The following FOCAD variants were observed in gnomAD, a reference collection of about 807,000 sequenced individuals.
FOCAD encodes the protein KIAA1797.
In FOCAD, 198 loss-of-function variants were observed where a neutral mutation model predicts 225.6. The observed-to-expected ratio is 0.88, with a 90% CI of 0.78 to 0.99. FOCAD has a LOEUF of 0.99. Among genes scored for constraint, FOCAD ranks in the 50% least tolerant of loss-of-function variants. FOCAD has a pLI of 0.00. For synonymous variants in FOCAD, 897 were observed against 755.0 expected, an observed-to-expected ratio of 1.19 and a Z score of -3.08; for missense variants, 2,713 against 2,123.6, an observed-to-expected ratio of 1.28 and a Z score of -5.46.
rs115892084 is a variant in FOCAD, at chr9:20,858,564, A to C, written c.1921-4014A>C. Among the ~76,000 whole-genome samples, 367 of 151,858 alleles carry C rather than the reference A, an allele frequency of 2.4e-3. 3 individuals are homozygous for C. The highest frequency in any genetic ancestry group is 0.01 in the Middle Eastern group (3 of 294). On this transcript the variant is annotated intron_variant, in intron 15 of 43. Transcript: ENST00000338382. ...TTTCAAGAAACCAACTTTTCATTTCATTAATCTTTTTGTTGCTTTTCAGTG... is the reference window on the plus strand; with the variant it reads ...TTTCAAGAAACCAACTTTTCATTTCCTTAATCTTTTTGTTGCTTTTCAGTG...
chr9:20,817,472 A>G (rs1313703775), intron 11 of FOCAD, among the ~76,000 whole-genome samples: 1 of 151,898 alleles, frequency 6.6e-6, no homozygotes, highest in East Asian at 1.9e-4. Flanking sequence ...TTCTCTTACC[A>G]TAATGTTTTC....
chr9:20,941,217 G>A (rs1053880141), intron 28 of FOCAD, among the ~76,000 whole-genome samples: 3 of 152,076 alleles, frequency 2.0e-5, no homozygotes, highest in Non-Finnish European at 2.9e-5. Context: ...GAAAGAACCC[G>A]CACACCTGGC....
At chr9:20,874,652 C>T (rs374443856) in intron 18 of FOCAD, 29 bp from the exon 19 acceptor site, 7 of 1,608,634 alleles carry the variant, frequency 4.4e-6, no homozygotes, top group African/African-American at 2.7e-5. Flanking sequence ...TTATTATCCT[C>T]TCTATGATCT....
At chr9:20,957,177 C>A (rs1458349351) in intron 35 of FOCAD, among the ~76,000 whole-genome samples, 1 of 152,124 alleles carries the variant, frequency 6.6e-6, no homozygotes, top group Non-Finnish European at 1.5e-5. Flanking sequence ...GATCCTTCTG[C>A]CTCAGCCCCC....
chr9:20,839,722 G>A (rs1034169462), intron 15 of FOCAD, among the ~76,000 whole-genome samples: 2 of 151,840 alleles, frequency 1.3e-5, no homozygotes, highest in African/African-American at 4.8e-5. Context: ...TTTTGACACA[G>A]GCATACGATG....
chr9:20,795,148 ACATGATAGAGT>A (rs1820918321), intron 11 of FOCAD, among the ~76,000 whole-genome samples: 1 of 152,200 alleles, frequency 6.6e-6, no homozygotes, highest in Non-Finnish European at 1.5e-5. Context: ...AAGAGTGAGA[ACATGATAGAGT>A]GTTTTTTGGC....
At chr9:20,858,580 C>G (rs1359289758) in intron 15 of FOCAD, among the ~76,000 whole-genome samples, 7 of 151,856 alleles carry the variant, frequency 4.6e-5, no homozygotes, top group African/African-American at 1.5e-4. Flanking sequence ...CTTTTTGTTG[C>G]TTTTCAGTGT....
rs530811036 is a variant in FOCAD at position 20,697,817 on chromosome 9, G to A, written c.-33+13524G>A. Among the ~76,000 whole-genome samples, 202 of 152,332 alleles carry A rather than the reference G, an allele frequency of 1.3e-3. 1 individual carries two copies. The highest frequency in any genetic ancestry group is 6.2e-3 in the South Asian group (30 of 4,830). On this transcript the variant is annotated intron_variant, in intron 1 of 43. Coordinates refer to ENST00000338382, the MANE Select transcript of FOCAD (RefSeq NM_001375567.1). ...ATACTTGATTAAAATGAGACTGGAG[G>A]ATGTTGAACACAGTGGAGGAACACT...
At chr9:20,708,508 G>A (rs1211763491) in intron 1 of FOCAD, among the ~76,000 whole-genome samples, 1 of 152,160 alleles carries the variant, frequency 6.6e-6, no homozygotes, top group Non-Finnish European at 1.5e-5. Context: ...GCTCACACCT[G>A]TAGTAATCCC....
At position 20,722,040 on chromosome 9, in the gene FOCAD, C is replaced by G. The variant is rs186642368; in HGVS notation, c.287+1506C>G. ...TCCTTCCTTCTTTCCTTCTCCCTCT[C>G]TCTCTCTTTCTCTCTTTCTTTCTCT... On this transcript the variant is annotated intron_variant, in intron 4 of 43. Transcript: ENST00000338382. Among the ~76,000 whole-genome samples, 916 of 127,368 alleles carry G rather than the reference C, an allele frequency of 7.2e-3. 18 individuals carry two copies. Among genetic ancestry groups the G allele is most frequent in the African/African-American group, 0.026 (837 of 32,494 alleles). 83.6% of individuals were successfully genotyped at this position (127,368 alleles called of 152,430 possible).
rs1587815534 is a variant in FOCAD, at chr9:20,995,751, A to G, written c.*122A>G. 2.5e-6 allele frequency: 2 copies of G among 814,026 alleles called. No homozygotes were observed. The highest frequency in any genetic ancestry group is 5.5e-5 in the East Asian group (2 of 36,554). The allele number at this position is 814,026 out of a possible 1,614,324, so 50.4% of individuals were successfully genotyped here. On this transcript the variant is annotated 3_prime_UTR_variant, in exon 44 of 44. Coordinates refer to ENST00000338382, the MANE Select transcript of FOCAD (RefSeq NM_001375567.1). ...ATGATGCAGAGAGTTAAGGGTCATG[A>G]AAAGATGGCCACATCACTGACAGCT...
At chr9:20,928,387 T>A (rs907169329) in intron 26 of FOCAD, among the ~76,000 whole-genome samples, 1 of 152,190 alleles carries the variant, frequency 6.6e-6, no homozygotes, top group African/African-American at 2.4e-5. Context: ...ATTTTTATCC[T>A]TAAAGTACTA....
At chr9:20,770,388 A>T in intron 8 of FOCAD, 150 bp downstream of exon 8, 1 of 696,426 alleles carries the variant, frequency 1.4e-6, no homozygotes, top group Non-Finnish European at 2.3e-6. Context: ...GCTTCTGGGG[A>T]GGCCTCAGGA....
chr9:20,869,718 T>C (rs1249977585), intron 18 of FOCAD, among the ~76,000 whole-genome samples: 1 of 152,204 alleles, frequency 6.6e-6, no homozygotes, highest in Non-Finnish European at 1.5e-5. Flanking sequence ...GGACATGTAA[T>C]ACTTGCATTG....
intron 11 of FOCAD, among the ~76,000 whole-genome samples, chr9:20,791,486 A>T (rs1820534601): frequency 6.6e-6 from 1 of 152,154 alleles, no homozygotes; most frequent in Non-Finnish European, 1.5e-5. Flanking sequence ...TTGTGTGTGC[A>T]TGTTGGGAAC....
chr9:20,897,956 G>T (rs866436685), intron 21 of FOCAD, among the ~76,000 whole-genome samples: 2 of 151,656 alleles, frequency 1.3e-5, no homozygotes, highest in Non-Finnish European at 3.0e-5. Context: ...AATTTTGCTT[G>T]TCTGAGCAAG....
At chr9:20,908,177 A>G (rs1833144455) in intron 22 of FOCAD, among the ~76,000 whole-genome samples, 2 of 152,146 alleles carry the variant, frequency 1.3e-5, no homozygotes, top group African/African-American at 4.8e-5. Flanking sequence ...AAAATTGATT[A>G]TTAAGGATAA....
intron 18 of FOCAD, chr9:20,874,372 A>G (rs1821766132): frequency 5.0e-6 from 1 of 200,744 alleles, no homozygotes; most frequent in African/African-American, 2.4e-5. Flanking sequence ...TTATTTTTGG[A>G]TGGTATAGAA....
intron 35 of FOCAD, among the ~76,000 whole-genome samples, chr9:20,971,493 A>G (rs1335245757): frequency 2.0e-5 from 3 of 151,934 alleles, no homozygotes; most frequent in Non-Finnish European, 4.4e-5. Context: ...AGGCTGGAGT[A>G]CAATGGTGCA....
Sources: allele counts gnomAD v4.1 joint callset (sites outside exome capture counted in the v4.1 genomes callset), GRCh38; gene constraint gnomAD v4.1.1; transcripts MANE v1.5; gene names NCBI Gene and HGNC (gene_info 2026-07-23, HGNC 2026-07-21).